Variants in MYO9A observed in about 807,000 individuals in gnomAD.
MYO9A encodes the protein myosin IXA.
In MYO9A, 103 loss-of-function variants were observed where a neutral mutation model predicts 293.3. That is an observed-to-expected ratio of 0.35 (90% CI 0.30 to 0.41). MYO9A has a LOEUF of 0.41. Among genes scored for constraint, MYO9A ranks in the 10% least tolerant of loss-of-function variants. The pLI is 1.00. For missense variants in MYO9A, 2,685 were observed against 3,033.0 expected, an observed-to-expected ratio of 0.89 and a Z score of 2.69; for synonymous variants, 1,001 against 1,035.7, an observed-to-expected ratio of 0.97 and a Z score of 0.64.
At chr15:72,034,652 A>G (rs753521128) in intron 2 of MYO9A, among the ~76,000 whole-genome samples, 1 of 152,254 alleles carries the variant, frequency 6.6e-6, no homozygotes, top group Non-Finnish European at 1.5e-5. Context: ...GAAAAACCAC[A>G]TAGCACAGAT....
At chr15:72,017,493 GCTT>G (rs2077378734) in intron 6 of MYO9A, among the ~76,000 whole-genome samples, 1 of 152,120 alleles carries the variant, frequency 6.6e-6, no homozygotes, top group African/African-American at 2.4e-5. Context: ...AAAAGGGGGA[GCTT>G]CTTAAGAATG....
In MYO9A at chr15:72,107,374, C is replaced by A. The variant is rs562204626; in HGVS notation, c.-72+10306G>T. Among the ~76,000 whole-genome samples, 263 of 152,180 alleles carry A rather than the reference C, an allele frequency of 1.7e-3. 1 individual carries two copies. The highest frequency in any genetic ancestry group is 3.3e-3 in the Non-Finnish European group (222 of 68,010). ...GACCAGCCTGGTCAACATGGTGAAA[C>A]CCTGTCTCTACTAAAAATACAAAAA... On this transcript the variant is annotated intron_variant, in intron 1 of 41. Coordinates refer to ENST00000356056, the MANE Select transcript of MYO9A (RefSeq NM_006901.4).
At chr15:72,011,499 T>C (rs2077173179) in intron 6 of MYO9A, among the ~76,000 whole-genome samples, 1 of 152,022 alleles carries the variant, frequency 6.6e-6, no homozygotes. Context: ...TAGTCACACA[T>C]GCCTGTAATC....
chr15:71,866,670 G>C (rs903885678), intron 32 of MYO9A, among the ~76,000 whole-genome samples: 1 of 152,100 alleles, frequency 6.6e-6, no homozygotes, highest in Non-Finnish European at 1.5e-5. Flanking sequence ...AATAGAAATA[G>C]AAGTACTAAT....
intron 41 of MYO9A, 134 bp from the exon 42 acceptor site, chr15:71,827,177 T>TG (rs1364983391): frequency 4.7e-6 from 3 of 640,070 alleles, no homozygotes; most frequent in Non-Finnish European, 7.8e-6. Flanking sequence ...TGACTTACTA[T>TG]GGGCACAGTC....
At chr15:71,837,396 G>A (rs919174097) in intron 39 of MYO9A, among the ~76,000 whole-genome samples, 4 of 151,986 alleles carry the variant, frequency 2.6e-5, no homozygotes, top group Admixed American at 6.6e-5. Context: ...AAATGACAAA[G>A]TATTCTTTAT....
Position 71,883,623 on chromosome 15 carries a change from T to C in MYO9A, c.5369A>G (p.Asp1790Gly), listed in dbSNP as rs2056938654. The C allele has an allele frequency of 5.6e-6, 9 of 1,613,548 alleles. No homozygotes were observed. Among genetic ancestry groups the C allele is most frequent in the East Asian group, 2.2e-5 (1 of 44,838 alleles). The change falls in exon 28 of 42, where the codon GAT becomes GGT. Residue 1790 changes from aspartate (D) to glycine (G), a missense_variant. Transcript: ENST00000356056. ...SEVSPLFAGT[D>G]VIPAHQFPDE... ...TGGAAACTGATGAGCTGGAATCACA[T>C]CTGTGCCTGCAAAGAGTGGCGAAAC...
Position 71,852,152 on chromosome 15 carries a change from T to C in MYO9A, c.6455A>G (p.Glu2152Gly), listed in dbSNP as rs762574588. The C allele has an allele frequency of 3.7e-5, 59 of 1,612,570 alleles. No individual in the cohort carries two copies. Residue 2152 changes from glutamate (E) to glycine (G), a missense_variant, in exon 36 of 42, where the codon GAG becomes GGG. Physicochemically the swap from Glu to Gly is moderately conservative, Grantham distance 98 (BLOSUM62 -2). Coordinates refer to ENST00000356056, the MANE Select transcript of MYO9A (RefSeq NM_006901.4). The stretch of plus-strand genomic sequence containing the variant: ...CTTACCCATAGCTCGAAGAAATTCC[T>C]CATAGAGTTCAAAGGTCATGAGAGG... ...PNPLMTFELYEEFLRAMGLQE... is the reference protein window; with the variant it reads ...PNPLMTFELYGEFLRAMGLQE...
chr15:72,117,645 G>C (rs1372542912), intron 1 of MYO9A, 35 bp downstream of exon 1: 1 of 395,482 alleles, frequency 2.5e-6, no homozygotes, highest in African/African-American at 2.1e-5. Flanking sequence ...GCCAGGACGG[G>C]CTGCAGGGCC....
At chr15:71,910,545 T>C (rs928768966) in intron 19 of MYO9A, among the ~76,000 whole-genome samples, 12 of 152,198 alleles carry the variant, frequency 7.9e-5, no homozygotes, top group South Asian at 6.2e-4. Flanking sequence ...ACTTGCCTCT[T>C]TTAACTGTTT....
At chr15:72,077,714 A>C (rs1368833089) in intron 1 of MYO9A, among the ~76,000 whole-genome samples, 1 of 138,864 alleles carries the variant, frequency 7.2e-6, no homozygotes, top group Non-Finnish European at 1.5e-5. Flanking sequence ...TGGGCAACAG[A>C]GTGAGACTCT....
At chr15:72,041,213 A>C in intron 2 of MYO9A, 1 of 1,383,462 alleles carries the variant, frequency 7.2e-7, no homozygotes, top group Non-Finnish European at 1.0e-6. Flanking sequence ...TTATGGCTAC[A>C]GCATATTCTT....
intron 39 of MYO9A, among the ~76,000 whole-genome samples, chr15:71,833,290 G>A (rs73432494): frequency 0.025 from 3,784 of 150,862 alleles, 154 homozygotes; most frequent in African/African-American, 0.089. Context: ...AAAGAAATGG[G>A]AAAAAAAAGA....
chr15:71,870,003 T>C (rs2056457856), intron 32 of MYO9A, among the ~76,000 whole-genome samples: 2 of 152,212 alleles, frequency 1.3e-5, no homozygotes, highest in Admixed American at 1.3e-4. Flanking sequence ...TAAACTTTAC[T>C]TCTCAGCTTC....
chr15:72,100,489 G>A (rs78740871), intron 1 of MYO9A, among the ~76,000 whole-genome samples: 4,010 of 150,726 alleles, frequency 0.027, 143 homozygotes, highest in East Asian at 0.17. Flanking sequence ...GTCTCCGACC[G>A]GCCGCCATCC....
Position 72,064,088 on chromosome 15 carries a change from C to T in MYO9A, c.-71-17454G>A, listed in dbSNP as rs192556328. Among the ~76,000 whole-genome samples the T allele has an allele frequency of 2.1e-3, 316 of 152,154 alleles. 2 individuals are homozygous for T. Among genetic ancestry groups the T allele is most frequent in the African/African-American group, 7.0e-3 (289 of 41,494 alleles). On this transcript the variant is annotated intron_variant, in intron 1 of 41. Coordinates refer to ENST00000356056, the MANE Select transcript of MYO9A (RefSeq NM_006901.4). ...AAGACAAACTTTGCATTATCTCATTCATTTGTGGGAGCTAAAAATTAAAAT... is the reference window on the plus strand; with the variant it reads ...AAGACAAACTTTGCATTATCTCATTTATTTGTGGGAGCTAAAAATTAAAAT...
intron 18 of MYO9A, among the ~76,000 whole-genome samples, chr15:71,930,956 C>T (rs2058458741): frequency 6.6e-6 from 1 of 152,134 alleles, no homozygotes; most frequent in Non-Finnish European, 1.5e-5. Context: ...TGCATAAACC[C>T]TACACTTTTA....
intron 1 of MYO9A, among the ~76,000 whole-genome samples, chr15:72,090,375 G>C (rs192037630): frequency 6.6e-6 from 1 of 151,956 alleles, no homozygotes; most frequent in African/African-American, 2.4e-5. Context: ...ATATGATACA[G>C]TTAATATTTA....
At chr15:71,957,255 T>A (rs2059224226) in intron 14 of MYO9A, among the ~76,000 whole-genome samples, 1 of 152,194 alleles carries the variant, frequency 6.6e-6, no homozygotes, top group South Asian at 2.1e-4. Flanking sequence ...TCTTTACTGA[T>A]ATTCAGCCTT....
Sources: allele counts gnomAD v4.1 joint callset (sites outside exome capture counted in the v4.1 genomes callset), GRCh38; gene constraint gnomAD v4.1.1; transcripts MANE v1.5; gene names NCBI Gene and HGNC (gene_info 2026-07-23, HGNC 2026-07-21).